TRRAP: variants seen among roughly 807,000 people sequenced by gnomAD.
The protein encoded by TRRAP is transformation/transcription domain associated protein, also known as transformation/transcription domain-associated protein.
In TRRAP, 41 loss-of-function variants were observed where a neutral mutation model predicts 438.8. The ratio of observed to expected loss-of-function variants is 0.09; its 90% CI spans 0.07 to 0.12. The LOEUF (loss-of-function observed/expected upper bound fraction) is 0.12. Among genes scored for constraint, TRRAP ranks in the 10% least tolerant of loss-of-function variants. The probability of loss-of-function intolerance (pLI) is 1.00; values close to 1 mark genes in which losing one functional copy is unlikely to be tolerated. For missense variants in TRRAP, 3,122 were observed against 5,055.1 expected (o/e 0.62, Z 11.60); for synonymous variants, 1,994 against 1,962.9 (o/e 1.02, Z -0.42).
intron 39 of TRRAP, among the ~76,000 whole-genome samples, chr7:98,952,364 A>G (rs1355393890): frequency 6.6e-6 from 1 of 152,206 alleles, no homozygotes; most frequent in Admixed American, 6.5e-5. Flanking sequence ...AAAAATGAGG[A>G]GTAGACAAAA....
At chr7:98,917,736 T>A (rs534442490) in intron 20 of TRRAP, 57 bp downstream of exon 20, 50 of 1,581,970 alleles carry the variant, frequency 3.2e-5, no homozygotes, top group Non-Finnish European at 4.3e-5. Flanking sequence ...TGGGCCGTCA[T>A]TGGGTTCTCT....
rs926495773 is a variant in TRRAP at position 98,948,073 on chromosome 7, G to A, written c.4549-148G>A. On this transcript the variant is annotated intron_variant, in intron 33 of 72. Coordinates refer to ENST00000456197, the MANE Select transcript of TRRAP (RefSeq NM_001375524.1). This position sits in a 1 kb window ranked among gnomAD's most constrained non-coding sequence, Gnocchi z 4.9. Reference sequence around the variant, plus strand: ...ACAGCACAGTTAGAACCTAAGGCTAGTAAGTTGTGGCTTTTACATGTGAAC... The same window carrying A: ...ACAGCACAGTTAGAACCTAAGGCTAATAAGTTGTGGCTTTTACATGTGAAC... The A allele has an allele frequency of 1.8e-6, 2 of 1,138,110 alleles. No individual in the cohort carries two copies. The highest frequency in any genetic ancestry group is 2.6e-4 in the Middle Eastern group (1 of 3,830). 70.5% of individuals were successfully genotyped at this position (1,138,110 alleles called of 1,614,324 possible). A position where few individuals can be genotyped will look rare whatever the true frequency, so the allele number is the denominator to read the frequency against.
intron 67 of TRRAP, among the ~76,000 whole-genome samples, chr7:98,997,483 C>CAAAAAAAAAAAAAAAAAAAAAAAAAAAAA (rs61132070): frequency 7.0e-5 from 3 of 42,622 alleles, no homozygotes; most frequent in Admixed American, 3.5e-4. Flanking sequence ...ACTGCTGTTG[C>CAAAAAAAAAAAAAAAAAAAAAAAAAAAAA]AAAAAAAAAA....
At chr7:98,894,926 A>ATGCC (rs1796135597) in intron 6 of TRRAP, among the ~76,000 whole-genome samples, 1 of 151,238 alleles carries the variant, frequency 6.6e-6, no homozygotes, top group Non-Finnish European at 1.5e-5. Context: ...ATGAACCGCC[A>ATGCC]TGCCTGGCCT....
chr7:98,948,118 CCTTGCCAACATAGT>C lies in TRRAP; in HGVS notation c.4549-102_4549-89del. 6.5e-7 allele frequency: 1 copy of C among 1,535,128 alleles called. No homozygotes were observed. Among genetic ancestry groups the C allele is most frequent in the Non-Finnish European group, 8.9e-7 (1 of 1,128,564 alleles). ...GTGAACCCTTCGCTTCACTGCCTAGCCTTGCCAACATAGTTAGACTATAGTAGGGTCTGTAGTGA... is the reference window on the plus strand; with the variant it reads ...GTGAACCCTTCGCTTCACTGCCTAGCTAGACTATAGTAGGGTCTGTAGTGA... On this transcript the variant is annotated intron_variant, in intron 33 of 72. Coordinates refer to ENST00000456197, the MANE Select transcript of TRRAP (RefSeq NM_001375524.1). The surrounding 1 kb of genome is among the most constrained non-coding windows in gnomAD (Gnocchi z 4.9).
Position 98,899,729 on chromosome 7 carries a change from C to T in TRRAP, c.762C>T (p.Ile254=). The T allele has an allele frequency of 6.2e-7, 1 of 1,614,178 alleles. No homozygotes were observed. The highest frequency in any genetic ancestry group is 8.5e-7 in the Non-Finnish European group (1 of 1,180,024). Residue 254 remains isoleucine (I), a synonymous_variant, in exon 10 of 73, where the codon ATC becomes ATT. Coordinates refer to ENST00000456197, the MANE Select transcript of TRRAP (RefSeq NM_001375524.1). ...HNVVAEFVPL[I]MNTIAIQVSA... ...TTGTTGCTGAGTTTGTGCCCTTGAT[C>T]ATGAACACCATTGCCATTCAGGTGT...
In TRRAP at chr7:98,976,059, A is replaced by G; in HGVS notation, c.7840-90A>G. 2.7e-6 allele frequency: 4 copies of G among 1,504,730 alleles called. No homozygotes were observed. The highest frequency in any genetic ancestry group is 3.6e-6 in the Non-Finnish European group (4 of 1,107,876). The allele number at this position is 1,504,730 out of a possible 1,614,324, so 93.2% of individuals were successfully genotyped here. The stretch of plus-strand genomic sequence containing the variant: ...GAAAGTGGAGGAGCATCGGTAATGT[A>G]TGAGACAGATCATGGGTGTCTTCTG... On this transcript the variant is annotated intron_variant, in intron 53 of 72. Transcript: ENST00000456197. The surrounding 1 kb of genome is among the most constrained non-coding windows in gnomAD (Gnocchi z 4.6).
At chr7:98,996,105 C>G (rs775360167) in intron 67 of TRRAP, among the ~76,000 whole-genome samples, 3 of 151,906 alleles carry the variant, frequency 2.0e-5, no homozygotes, top group Non-Finnish European at 4.4e-5. Flanking sequence ...CATCTACACA[C>G]CAACGTCCCA....
chr7:98,892,684 T>C (rs1796028392), intron 5 of TRRAP, among the ~76,000 whole-genome samples, 156 bp downstream of exon 5: 1 of 152,240 alleles, frequency 6.6e-6, no homozygotes, highest in Non-Finnish European at 1.5e-5. Context: ...TTTTCCCCCA[T>C]TTCCTCCACT....
intron 27 of TRRAP, among the ~76,000 whole-genome samples, chr7:98,934,153 T>G (rs1790449921): frequency 6.6e-6 from 1 of 152,222 alleles, no homozygotes; most frequent in African/African-American, 2.4e-5. Flanking sequence ...TGTTGCCAAA[T>G]TATAAGCAAC....
At chr7:98,946,473 AC>A (rs1417416571) in intron 33 of TRRAP, among the ~76,000 whole-genome samples, 12 of 151,010 alleles carry the variant, frequency 7.9e-5, no homozygotes, top group African/African-American at 2.9e-4. Context: ...CACAGACCAC[AC>A]GTGCACTCAC....
chr7:98,955,141 C>T lies in TRRAP; in HGVS notation c.5774C>T (p.Ala1925Val), dbSNP rs150693311. The T allele has an allele frequency of 9.9e-5, 159 of 1,614,194 alleles. No individual in the cohort carries two copies. Among genetic ancestry groups the T allele is most frequent in the Non-Finnish European group, 1.3e-4 (149 of 1,180,028 alleles). The part of the protein sequence containing the change: ...LLKAHAMEAR[A>V]IVRQAMAILT... The stretch of plus-strand genomic sequence containing the variant: ...AAGGCTCACGCAATGGAAGCTCGAG[C>T]GATCGTCAGACAGGCGATGGCCATT... Residue 1925 changes from alanine to valine, a missense_variant, in exon 41 of 73, where the codon GCG (alanine) becomes GTG (valine). Coordinates refer to ENST00000456197, the MANE Select transcript of TRRAP (RefSeq NM_001375524.1).
At chr7:98,878,910 C>T (rs1795285577) in intron 1 of TRRAP, among the ~76,000 whole-genome samples, 1 of 152,100 alleles carries the variant, frequency 6.6e-6, no homozygotes, top group Non-Finnish European at 1.5e-5. Context: ...GACGCGGTCA[C>T]GGAGCGCCCG....
intron 19 of TRRAP, among the ~76,000 whole-genome samples, chr7:98,916,263 A>C (rs1789515342): frequency 6.6e-6 from 1 of 152,218 alleles, no homozygotes; most frequent in African/African-American, 2.4e-5. Flanking sequence ...CAAAAAAAGA[A>C]AAAGCAGGTG....
At chr7:98,947,173 T>A (rs1584346349) in intron 33 of TRRAP, among the ~76,000 whole-genome samples, 1 of 152,256 alleles carries the variant, frequency 6.6e-6, no homozygotes, top group East Asian at 1.9e-4. Flanking sequence ...AGAATTCCTT[T>A]GAATGACAGG....
intron 59 of TRRAP, among the ~76,000 whole-genome samples, chr7:98,983,029 G>A (rs567624257): frequency 6.6e-6 from 1 of 152,274 alleles, no homozygotes; most frequent in East Asian, 1.9e-4. Flanking sequence ...CTGTCTCTCA[G>A]GAGCCACAAG....
chr7:98,975,577 G>A (rs898520932), intron 53 of TRRAP, among the ~76,000 whole-genome samples: 1 of 152,192 alleles, frequency 6.6e-6, no homozygotes, highest in Admixed American at 6.5e-5. Context: ...TTTCGACTTC[G>A]GGCTCTAGTT....
chr7:98,898,698 T>G (rs2116340313), intron 8 of TRRAP, among the ~76,000 whole-genome samples: 1 of 152,344 alleles, frequency 6.6e-6, no homozygotes, highest in South Asian at 2.1e-4. Flanking sequence ...TTAGGACTGT[T>G]GAACTTTTGT....
At chr7:98,945,685 G>T in intron 31 of TRRAP, 62 bp from the exon 32 acceptor site, 3 of 1,579,828 alleles carry the variant, frequency 1.9e-6, no homozygotes, top group Non-Finnish European at 2.6e-6. Context: ...GTTTGAGTAT[G>T]TGGGAAGTTT....
Sources: gnomAD v4.1 joint callset for allele counts (sites outside exome capture counted in the v4.1 genomes callset) on GRCh38, gnomAD v4.1.1 for gene constraint, Gnocchi (gnomAD v3.1) non-coding constraint, MANE v1.5 for transcripts, NCBI Gene and HGNC (gene_info 2026-07-23, HGNC 2026-07-21) for gene names.